The following SLC39A12 variants were observed in gnomAD, a reference collection of about 807,000 sequenced individuals.
SLC39A12 encodes zinc transporter ZIP12.
SLC39A12 carries 63 observed loss-of-function variants against 71.1 expected under a neutral mutation model. The ratio of observed to expected loss-of-function variants is 0.89; its 90% CI spans 0.72 to 1.09. The LOEUF (loss-of-function observed/expected upper bound fraction) is 1.09, where lower values mean the gene tolerates loss of function less well. Among genes scored for constraint, SLC39A12 ranks in the 50% least tolerant of loss-of-function variants. The pLI is 0.00. For missense variants in SLC39A12, 892 were observed against 812.6 expected (o/e 1.10, Z -1.19); for synonymous variants, 351 against 301.3 (o/e 1.16, Z -1.71).
intron 5 of SLC39A12, among the ~76,000 whole-genome samples, chr10:17,979,606 A>C (rs565575877): frequency 6.6e-6 from 1 of 152,178 alleles, no homozygotes; most frequent in Non-Finnish European, 1.5e-5. Context: ...TGTCTTTGGC[A>C]TACATTATTT....
chr10:17,967,014 TAAAA>T (rs537690019), intron 4 of SLC39A12, among the ~76,000 whole-genome samples: 1 of 152,138 alleles, frequency 6.6e-6, no homozygotes, highest in Non-Finnish European at 1.5e-5. Context: ...TTTCATAATT[TAAAA>T]AAATTATTTT....
intron 12 of SLC39A12, chr10:18,004,253 A>G (rs1835940926): frequency 5.9e-5 from 9 of 152,232 alleles, no homozygotes; most frequent in Admixed American, 5.9e-4. Flanking sequence ...AAAATTAATT[A>G]ACAAAAGAGG....
intron 12 of SLC39A12, among the ~76,000 whole-genome samples, chr10:18,036,748 A>ATATATG (rs1837038414): frequency 1.6e-3 from 14 of 8,760 alleles, no homozygotes; most frequent in Admixed American, 2.1e-3. Context: ...TTTAAAAATT[A>ATATATG]TATATATATA....
chr10:17,957,539 T>C (rs1554847901), intron 2 of SLC39A12, among the ~76,000 whole-genome samples: 1 of 152,204 alleles, frequency 6.6e-6, no homozygotes, highest in African/African-American at 2.4e-5. Context: ...AACAAAGAAT[T>C]GCTTCACCAG....
chr10:17,981,545 A>G, intron 6 of SLC39A12, 62 bp downstream of exon 6: 1 of 1,340,706 alleles, frequency 7.5e-7, no homozygotes, highest in Non-Finnish European at 1.0e-6. Flanking sequence ...ATAATAGTAA[A>G]TGCAGGATAC....
intron 7 of SLC39A12, among the ~76,000 whole-genome samples, chr10:17,990,783 T>C (rs1835523493): frequency 6.6e-6 from 1 of 152,200 alleles, no homozygotes; most frequent in South Asian, 2.1e-4. Context: ...TGAGGCATGG[T>C]TGTACAAACA....
chr10:17,965,179 C>A (rs75519999), intron 3 of SLC39A12, among the ~76,000 whole-genome samples: 7,660 of 151,670 alleles, frequency 0.051, 267 homozygotes, highest in Non-Finnish European at 0.068. Context: ...TTTACTCCAG[C>A]CTGGGCAGCA....
chr10:17,961,508 G>A lies in SLC39A12; in HGVS notation c.262-73G>A, dbSNP rs1316116821. ...AAAATGATAAGCAATGAAGACCCTG[G>A]TGGTCATTAGTGTTCTGGAACTATT... On this transcript the variant is annotated intron_variant, in intron 2 of 12. Coordinates refer to ENST00000377369, the MANE Select transcript of SLC39A12 (RefSeq NM_001145195.2). The A allele has an allele frequency of 2.1e-6, 3 of 1,399,202 alleles. No individual in the cohort carries two copies. The East Asian group carries it at 6.9e-5, about 32-fold the overall frequency. 86.7% of individuals were successfully genotyped at this position (1,399,202 alleles called of 1,614,324 possible). A position where few individuals can be genotyped will look rare whatever the true frequency, so the allele number is the denominator to read the frequency against.
chr10:18,042,665 T>A, intron 12 of SLC39A12, 40 bp from the exon 13 acceptor site: 3 of 1,576,618 alleles, frequency 1.9e-6, no homozygotes, highest in Non-Finnish European at 8.6e-7. Flanking sequence ...AGCAGTTGAA[T>A]ATATCTGGAT....
intron 4 of SLC39A12, among the ~76,000 whole-genome samples, chr10:17,966,973 CA>C (rs375769208): frequency 0.014 from 1,862 of 133,364 alleles, 37 homozygotes; most frequent in East Asian, 0.046. Flanking sequence ...GATTCCATCT[CA>C]AAAAAAAAAA....
rs140860650 is a variant in SLC39A12, at chr10:18,020,296, A to G, written c.1947+16938A>G. Among the ~76,000 whole-genome samples, 33 of 152,016 alleles carry G rather than the reference A, an allele frequency of 2.2e-4. No homozygotes were observed. The East Asian group carries it at 5.0e-3, about 23-fold the overall frequency. ...CATCCATGTTGCCGCAAAAGGTGCA[A>G]TCTTTTCTTTTTTATGGCTGTATAG... On this transcript the variant is annotated intron_variant, in intron 12 of 12. Transcript: ENST00000377369.
At chr10:18,029,065 G>A (rs1429006412) in intron 12 of SLC39A12, among the ~76,000 whole-genome samples, 1 of 149,632 alleles carries the variant, frequency 6.7e-6, no homozygotes, top group Non-Finnish European at 1.5e-5. Flanking sequence ...TAGAGGTGGA[G>A]TTTCACCATG....
chr10:17,965,728 C>G (rs746271255), intron 4 of SLC39A12, 38 bp downstream of exon 4: 6 of 1,519,052 alleles, frequency 3.9e-6, no homozygotes, highest in Non-Finnish European at 5.5e-6. Context: ...CCAAGTCACA[C>G]CTGCTAAATA....
At chr10:18,034,476 C>CT (rs1167966589) in intron 12 of SLC39A12, among the ~76,000 whole-genome samples, 1 of 151,878 alleles carries the variant, frequency 6.6e-6, no homozygotes, top group Non-Finnish European at 1.5e-5. Flanking sequence ...CAACCCCTGC[C>CT]TTTTTTTGTT....
At position 17,981,405 on chromosome 10, in the gene SLC39A12, A is replaced by T. The variant is rs144056997; in HGVS notation, c.1018A>T (p.Ile340Phe). Residue 340 changes from isoleucine to phenylalanine, a missense_variant, in exon 6 of 13, where the codon ATC becomes TTC. Transcript: ENST00000377369. ...GGACTTTAAGCAAATGAGTCCAGGG[A>T]TCATCCAGCAGCTCCTCAGCTGCTC... ...KEDFKQMSPGIIQQLLSCSCH... is the reference protein window; with the variant it reads ...KEDFKQMSPGFIQQLLSCSCH... The T allele has an allele frequency of 1.4e-5, 22 of 1,613,926 alleles. No individual in the cohort carries two copies. The African/African-American group carries it at 2.7e-4, about 20-fold the overall frequency.
chr10:18,036,777 TA>T (rs1564665943), intron 12 of SLC39A12, among the ~76,000 whole-genome samples: 2,574 of 18,682 alleles, frequency 0.14, 203 homozygotes, highest in African/African-American at 0.21. Flanking sequence ...TATATATATA[TA>T]TATATATATA....
At position 18,024,301 on chromosome 10, in the gene SLC39A12, G is replaced by A. The variant is rs113667088; in HGVS notation, c.1948-18404G>A. 3.7e-3 allele frequency among the ~76,000 whole-genome samples: 559 copies of A among 152,170 alleles called. 5 individuals carry two copies. Among genetic ancestry groups the A allele is most frequent in the African/African-American group, 0.012 (516 of 41,500 alleles). ...TCCAAGGCCCTTGGGGTTCCTCATG[G>A]GCCTGAAAAGCGGCTCTGCCCTGAC... On this transcript the variant is annotated intron_variant, in intron 12 of 12. Coordinates refer to ENST00000377369, the MANE Select transcript of SLC39A12 (RefSeq NM_001145195.2).
At chr10:18,027,921 C>G (rs1386398860) in intron 12 of SLC39A12, among the ~76,000 whole-genome samples, 1 of 152,208 alleles carries the variant, frequency 6.6e-6, no homozygotes, top group African/African-American at 2.4e-5. Context: ...GAGACTCCCA[C>G]AGAATGTGTG....
At chr10:17,979,140 A>G (rs1346985250) in intron 5 of SLC39A12, among the ~76,000 whole-genome samples, 1 of 152,224 alleles carries the variant, frequency 6.6e-6, no homozygotes, top group Non-Finnish European at 1.5e-5. Context: ...AGGAATAAAG[A>G]TGTTTTAAAG....
Sources: gnomAD v4.1 joint callset for allele counts (sites outside exome capture counted in the v4.1 genomes callset) on GRCh38, gnomAD v4.1.1 for gene constraint, MANE v1.5 for transcripts, NCBI Gene and HGNC (gene_info 2026-07-23, HGNC 2026-07-21) for gene names.